ABCC5: variants seen among roughly 807,000 people sequenced by gnomAD.
ABCC5 encodes ATP binding cassette subfamily C member 5.
ABCC5 carries 61 observed loss-of-function variants against 160.9 expected under a neutral mutation model. That is an observed-to-expected ratio of 0.38 (90% CI 0.31 to 0.47). ABCC5 has a LOEUF of 0.47. ABCC5 is among the 20% of genes least tolerant of loss of function. ABCC5 has a pLI of 0.99. For synonymous variants in ABCC5, 666 were observed against 700.6 expected, an observed-to-expected ratio of 0.95 and a Z score of 0.78; for missense variants, 1,308 against 1,813.3, an observed-to-expected ratio of 0.72 and a Z score of 5.06.
At position 183,951,873 on chromosome 3, in the gene ABCC5, C is replaced by T; in HGVS notation, c.2798G>A (p.Gly933Glu). The T allele has an allele frequency of 6.2e-7, 1 of 1,613,750 alleles. No homozygotes were observed. Among genetic ancestry groups the T allele is most frequent in the Non-Finnish European group, 8.5e-7 (1 of 1,179,792 alleles). ...AVMLILKAIR[G>E]VVFVKGTLRA... ...AATGCATACCTTGACAAAGACAACT[C>T]CTCGAATGGCTTTCAGGATCAGCAT... The change falls in exon 19 of 30, where the codon GGA becomes GAA. Residue 933 changes from glycine (G) to glutamate (E), a missense_variant. By Grantham distance (98) the Gly-to-Glu change is moderately conservative. Coordinates refer to ENST00000334444, the MANE Select transcript of ABCC5 (RefSeq NM_005688.4). This position sits in a 1 kb window ranked among gnomAD's most constrained non-coding sequence, Gnocchi z 4.7.
At chr3:183,985,428 A>C in intron 5 of ABCC5, 1 of 1,495,272 alleles carries the variant, frequency 6.7e-7, no homozygotes, top group Non-Finnish European at 9.3e-7. Flanking sequence ...ACTCCCCCCA[A>C]ATCCAGATCC....
At chr3:183,971,066 C>T (rs546644254) in intron 11 of ABCC5, among the ~76,000 whole-genome samples, 2 of 152,314 alleles carry the variant, frequency 1.3e-5, no homozygotes, top group African/African-American at 4.8e-5. Context: ...CTATAGGAGG[C>T]CCTCTGAGAC....
chr3:183,953,017 T>C, intron 18 of ABCC5, 69 bp downstream of exon 18: 2 of 1,468,066 alleles, frequency 1.4e-6, no homozygotes, highest in South Asian at 1.3e-5. Context: ...TCCCTAAGAA[T>C]AGCCAGGGAA....
chr3:183,923,533 G>A (rs1418201844), intron 29 of ABCC5, among the ~76,000 whole-genome samples: 1 of 152,156 alleles, frequency 6.6e-6, no homozygotes, highest in Non-Finnish European at 1.5e-5. Context: ...TGAGGCAGGA[G>A]AATCGCTTGA....
At chr3:183,967,863 A>C in intron 11 of ABCC5, 97 bp from the exon 12 acceptor site, 1 of 995,952 alleles carries the variant, frequency 1.0e-6, no homozygotes, top group East Asian at 2.5e-5. Context: ...GTCTACCCAT[A>C]CAGAACTGTC....
At chr3:183,932,343 G>C (rs1713256022) in intron 26 of ABCC5, among the ~76,000 whole-genome samples, 1 of 152,186 alleles carries the variant, frequency 6.6e-6, no homozygotes. Context: ...AAAAATACTA[G>C]AGAGAACGGC....
intron 17 of ABCC5, among the ~76,000 whole-genome samples, chr3:183,954,920 G>A (rs560092589): frequency 1.3e-5 from 2 of 152,226 alleles, no homozygotes; most frequent in South Asian, 4.1e-4. Flanking sequence ...GGGCAACATG[G>A]GGCAGGGAGG....
intron 18 of ABCC5, among the ~76,000 whole-genome samples, chr3:183,952,367 G>A (rs377295583): frequency 7.2e-5 from 11 of 152,218 alleles, no homozygotes; most frequent in African/African-American, 2.6e-4. Context: ...TGCTGGTCTT[G>A]AACTCCTAGC....
rs1722303239 is a variant in ABCC5 at position 184,017,639 on chromosome 3, C to T, written c.-56+191G>A. Among the ~76,000 whole-genome samples, 1 of 152,208 alleles carries T rather than the reference C, an allele frequency of 6.6e-6. No individual in the cohort carries two copies. The highest frequency in any genetic ancestry group is 6.5e-5 in the Admixed American group (1 of 15,290). Reference sequence around the variant, plus strand: ...CAGCACACGACCCCGTCACCAGACCCCGGGCTCACAGGCCTAGGAGGCGGC... The same window carrying T: ...CAGCACACGACCCCGTCACCAGACCTCGGGCTCACAGGCCTAGGAGGCGGC... On this transcript the variant is annotated intron_variant, in intron 1 of 29. Coordinates refer to ENST00000334444, the MANE Select transcript of ABCC5 (RefSeq NM_005688.4). This position sits in a 1 kb window ranked among gnomAD's most constrained non-coding sequence, Gnocchi z 4.5.
Position 183,951,684 on chromosome 3 carries a change from G to C in ABCC5, c.2815-114C>G. 6.7e-7 allele frequency: 1 copy of C among 1,501,472 alleles called. No homozygotes were observed. Among genetic ancestry groups the C allele is most frequent in the Non-Finnish European group, 9.0e-7 (1 of 1,110,834 alleles). 93.0% of individuals were successfully genotyped at this position (1,501,472 alleles called of 1,614,324 possible). On this transcript the variant is annotated intron_variant, in intron 19 of 29. Transcript: ENST00000334444. The surrounding 1 kb of genome is among the most constrained non-coding windows in gnomAD (Gnocchi z 4.7). ...AAAGCGGGGAGGTGTGAGGGGTCAGGAGGGACAGGTGGCAAGTGAGAAAAG... is the reference window on the plus strand; with the variant it reads ...AAAGCGGGGAGGTGTGAGGGGTCAGCAGGGACAGGTGGCAAGTGAGAAAAG...
At chr3:183,990,097 C>A (rs1049475043) in intron 2 of ABCC5, among the ~76,000 whole-genome samples, 1 of 150,786 alleles carries the variant, frequency 6.6e-6, no homozygotes, top group Non-Finnish European at 1.5e-5. Flanking sequence ...GCCACCGCGC[C>A]CGGCCCTGTT....
intron 9 of ABCC5, among the ~76,000 whole-genome samples, chr3:183,978,101 G>A (rs998929880): frequency 6.6e-6 from 1 of 152,042 alleles, no homozygotes; most frequent in South Asian, 2.1e-4. Flanking sequence ...AAAATTGTCA[G>A]TAAATATGAA....
chr3:183,936,224 T>C (rs1191379379), intron 26 of ABCC5, among the ~76,000 whole-genome samples: 5 of 151,966 alleles, frequency 3.3e-5, no homozygotes, highest in African/African-American at 1.2e-4. Context: ...AAGACAACCA[T>C]CTGCAAACCA....
intron 20 of ABCC5, among the ~76,000 whole-genome samples, chr3:183,950,735 G>A (rs1413262927): frequency 1.3e-5 from 2 of 152,130 alleles, no homozygotes; most frequent in East Asian, 1.9e-4. Flanking sequence ...GTATCAGTTC[G>A]AGTATCAGGG....
At chr3:183,971,994 C>T (rs771695645) in intron 10 of ABCC5, 75 bp from the exon 11 acceptor site, 6 of 1,602,558 alleles carry the variant, frequency 3.7e-6, no homozygotes, top group East Asian at 2.2e-5. Context: ...AGGGCGTACA[C>T]TCACGTAGCA....
intron 17 of ABCC5, 33 bp from the exon 18 acceptor site, chr3:183,953,303 AG>A: frequency 1.3e-6 from 2 of 1,565,872 alleles, no homozygotes; most frequent in Non-Finnish European, 8.6e-7. Context: ...TGGACTCAGA[AG>A]GGAAGAACTA....
At chr3:183,979,768 G>A (rs1189478242) in intron 8 of ABCC5, among the ~76,000 whole-genome samples, 2 of 152,044 alleles carry the variant, frequency 1.3e-5, no homozygotes, top group Non-Finnish European at 2.9e-5. Context: ...TTGTAGAGAG[G>A]AGGTCTCAGT....
intron 27 of ABCC5, among the ~76,000 whole-genome samples, chr3:183,928,147 T>C (rs1712786303): frequency 6.6e-6 from 1 of 151,784 alleles, no homozygotes; most frequent in Non-Finnish European, 1.5e-5. Context: ...AGTTTTGCTC[T>C]TGTTGCCCAG....
rs41313430 is a variant in ABCC5 at position 183,982,561 on chromosome 3, G to A, written c.889C>T (p.Leu297=). 867 of 1,614,178 alleles carry A rather than the reference G, an allele frequency of 5.4e-4. No individual in the cohort carries two copies. The highest frequency in any genetic ancestry group is 6.8e-4 in the Non-Finnish European group (798 of 1,180,028). ...MFEAAAVGSL[L]AGGPVVAILG... ...ATGGCAACAACGGGTCCTCCAGCCAGCAGGCTGCCAACGGCTGCTGCCTCA... is the reference window on the plus strand; with the variant it reads ...ATGGCAACAACGGGTCCTCCAGCCAACAGGCTGCCAACGGCTGCTGCCTCA... Residue 297 remains leucine (L), a synonymous_variant, in exon 7 of 30, where the codon CTG becomes TTG. Coordinates refer to ENST00000334444, the MANE Select transcript of ABCC5 (RefSeq NM_005688.4). This position sits in a 1 kb window ranked among gnomAD's most constrained non-coding sequence, Gnocchi z 5.2.
Sources: gnomAD v4.1 joint callset for allele counts (sites outside exome capture counted in the v4.1 genomes callset) on GRCh38, gnomAD v4.1.1 for gene constraint, Gnocchi (gnomAD v3.1) non-coding constraint, MANE v1.5 for transcripts, NCBI Gene and HGNC (gene_info 2026-07-23, HGNC 2026-07-21) for gene names.